Variants in DOCK1 observed in about 807,000 individuals in gnomAD.
The protein encoded by DOCK1 is dedicator of cytokinesis 1.
DOCK1 carries 138 observed loss-of-function variants against 262.7 expected under a neutral mutation model. The observed-to-expected ratio is 0.53, with a 90% CI of 0.46 to 0.61. DOCK1 has a LOEUF of 0.61. Among genes scored for constraint, DOCK1 ranks in the 20% least tolerant of loss-of-function variants. DOCK1 has a pLI of 0.00. For synonymous variants in DOCK1, 866 were observed against 867.4 expected (o/e 1.00, Z 0.03); for missense variants, 1,908 against 2,370.7 (o/e 0.80, Z 4.05).
At chr10:127,056,916 A>G (rs1049580399) in intron 22 of DOCK1, among the ~76,000 whole-genome samples, 1 of 152,172 alleles carries the variant, frequency 6.6e-6, no homozygotes, top group African/African-American at 2.4e-5. Flanking sequence ...CCCTTAGAAT[A>G]TTGGACGGTA....
At chr10:127,241,862 G>T (rs2059276959) in intron 27 of DOCK1, among the ~76,000 whole-genome samples, 1 of 152,184 alleles carries the variant, frequency 6.6e-6, no homozygotes, top group South Asian at 2.1e-4. Flanking sequence ...CTCCCCAGGA[G>T]TGAGTTGGAG....
At chr10:126,953,511 T>G (rs1003494826) in intron 1 of DOCK1, among the ~76,000 whole-genome samples, 14 of 151,314 alleles carry the variant, frequency 9.3e-5, no homozygotes, top group African/African-American at 2.4e-4. Flanking sequence ...TTTGGTAATG[T>G]TGGTGGTGGT....
intron 16 of DOCK1, 97 bp downstream of exon 16, chr10:127,026,521 A>G: frequency 3.7e-6 from 4 of 1,091,156 alleles, no homozygotes; most frequent in South Asian, 1.4e-5. Context: ...ACTCGCTATC[A>G]TAACACAATA....
intron 28 of DOCK1, among the ~76,000 whole-genome samples, chr10:127,250,578 G>A (rs74496488): frequency 0.29 from 44,286 of 151,610 alleles, 7,336 homozygotes; most frequent in South Asian, 0.55. Flanking sequence ...GTCACCTGAG[G>A]TCAGGAGTTC....
At chr10:127,322,628 G>A (rs543572779) in intron 29 of DOCK1, among the ~76,000 whole-genome samples, 1 of 152,304 alleles carries the variant, frequency 6.6e-6, no homozygotes, top group South Asian at 2.1e-4. Flanking sequence ...ATTGAAAAAA[G>A]GCAAGAATAC....
In DOCK1 at chr10:126,996,948, G is replaced by C. The variant is rs2040242373; in HGVS notation, c.609+65G>C. 3 of 1,475,892 alleles carry C rather than the reference G, an allele frequency of 2.0e-6. No homozygotes were observed. The African/African-American group carries it at 4.3e-5, about 21-fold the overall frequency. The allele number at this position is 1,475,892 out of a possible 1,614,324, so 91.4% of individuals were successfully genotyped here. On this transcript the variant is annotated intron_variant, in intron 7 of 51. Transcript: ENST00000623213. The stretch of plus-strand genomic sequence containing the variant: ...GTAATAAGTTTTCAACATTAGTAAA[G>C]TATCAGTCAAGCCCAAAATTGTCAC...
intron 29 of DOCK1, among the ~76,000 whole-genome samples, chr10:127,308,488 T>A (rs1309517455): frequency 6.6e-6 from 1 of 152,236 alleles, no homozygotes; most frequent in Non-Finnish European, 1.5e-5. Context: ...TACATAGGTA[T>A]ACATTTGCCA....
At chr10:127,026,647 G>T in intron 16 of DOCK1, 1 of 560,394 alleles carries the variant, frequency 1.8e-6, no homozygotes, top group South Asian at 2.2e-5. Flanking sequence ...CAGTGTTGCT[G>T]GTCCCCTTCT....
At chr10:127,435,153 C>T (rs182046710) in intron 48 of DOCK1, among the ~76,000 whole-genome samples, 33 of 152,188 alleles carry the variant, frequency 2.2e-4, no homozygotes, top group Admixed American at 1.6e-3. Context: ...TATTTTTGAG[C>T]GGCAAGCATG....
At chr10:127,247,224 T>G (rs1445090138) in intron 27 of DOCK1, among the ~76,000 whole-genome samples, 1 of 152,182 alleles carries the variant, frequency 6.6e-6, no homozygotes, top group Non-Finnish European at 1.5e-5. Flanking sequence ...ACCTTCCCCA[T>G]TCTTGATTTT....
chr10:127,107,657 A>G (rs2048612032), intron 24 of DOCK1, among the ~76,000 whole-genome samples: 2 of 152,066 alleles, frequency 1.3e-5, no homozygotes, highest in East Asian at 3.9e-4. Context: ...GAGAAAGCCA[A>G]ACTTTGGCTT....
chr10:127,354,787 C>T (rs775798106), intron 32 of DOCK1, 60 bp downstream of exon 32: 119 of 1,601,356 alleles, frequency 7.4e-5, no homozygotes, highest in Non-Finnish European at 9.6e-5. Flanking sequence ...GGTCATGGCA[C>T]TGGCCGTGTT....
chr10:126,911,379 C>T (rs2031734324), intron 1 of DOCK1, among the ~76,000 whole-genome samples: 2 of 152,128 alleles, frequency 1.3e-5, no homozygotes, highest in Non-Finnish European at 2.9e-5. Flanking sequence ...TGAGCGGGTC[C>T]ACTGAGCTGT....
At chr10:127,259,267 C>T (rs2059931721) in intron 29 of DOCK1, among the ~76,000 whole-genome samples, 1 of 152,234 alleles carries the variant, frequency 6.6e-6, no homozygotes, top group African/African-American at 2.4e-5. Context: ...GGCCTTCTCT[C>T]AGCTTCTCAG....
At chr10:127,419,835 G>A (rs1565077753) in intron 46 of DOCK1, 86 bp downstream of exon 46, 1 of 1,402,920 alleles carries the variant, frequency 7.1e-7, no homozygotes. Context: ...AGCCAGCATG[G>A]AGGTCCCTGG....
At chr10:127,132,425 A>G (rs1031828572) in intron 27 of DOCK1, among the ~76,000 whole-genome samples, 4 of 152,224 alleles carry the variant, frequency 2.6e-5, no homozygotes, top group African/African-American at 9.6e-5. Context: ...CAGAACAAAA[A>G]GGTCATTTTA....
intron 29 of DOCK1, among the ~76,000 whole-genome samples, chr10:127,298,594 G>A (rs2061578552): frequency 6.6e-6 from 1 of 152,164 alleles, no homozygotes; most frequent in Non-Finnish European, 1.5e-5. Context: ...ATTGTCTCGT[G>A]ACTGAGGTTG....
chr10:127,060,105 C>T (rs972712043), intron 22 of DOCK1, among the ~76,000 whole-genome samples: 2 of 141,280 alleles, frequency 1.4e-5, no homozygotes, highest in African/African-American at 5.2e-5. Context: ...CTCTCCCTGG[C>T]GTTTTCCAAA....
intron 1 of DOCK1, among the ~76,000 whole-genome samples, chr10:126,928,607 T>G (rs1160113475): frequency 6.6e-6 from 1 of 151,928 alleles, no homozygotes; most frequent in Admixed American, 6.5e-5. Context: ...CCCAGTATTC[T>G]TAAGCCTCCA....
Sources: gnomAD v4.1 joint callset for allele counts (sites outside exome capture counted in the v4.1 genomes callset) on GRCh38, gnomAD v4.1.1 for gene constraint, MANE v1.5 for transcripts, NCBI Gene and HGNC (gene_info 2026-07-23, HGNC 2026-07-21) for gene names.